TMEM65: variants seen among roughly 807,000 people sequenced by gnomAD.
TMEM65 encodes the protein transmembrane protein 65.
TMEM65 carries 22 observed loss-of-function variants against 25.4 expected under a neutral mutation model. The ratio of observed to expected loss-of-function variants is 0.86; its 90% CI spans 0.62 to 1.23. The LOEUF is 1.23. Ranked by LOEUF, TMEM65 falls within the 50% of genes most tolerant of loss-of-function variation. The probability of loss-of-function intolerance (pLI) is 0.00; values close to 1 mark genes in which losing one functional copy is unlikely to be tolerated. For synonymous variants in TMEM65, 132 were observed against 126.2 expected (o/e 1.05, Z -0.31); for missense variants, 262 against 308.2 (o/e 0.85, Z 1.12).
intron 1 of TMEM65, among the ~76,000 whole-genome samples, chr8:124,352,564 G>A (rs919968300): frequency 6.6e-6 from 1 of 150,574 alleles, no homozygotes; most frequent in African/African-American, 2.4e-5. Flanking sequence ...TTCCAGAAAG[G>A]AGAAATTATT....
chr8:124,354,592 GT>G (rs1355499857), intron 1 of TMEM65, among the ~76,000 whole-genome samples: 1 of 152,178 alleles, frequency 6.6e-6, no homozygotes, highest in African/African-American at 2.4e-5. Flanking sequence ...CTAATAGCTT[GT>G]TTTCACAGAA....
chr8:124,320,063 C>G (rs1449809699), intron 6 of TMEM65, 23 bp downstream of exon 6: 1 of 1,587,470 alleles, frequency 6.3e-7, no homozygotes, highest in South Asian at 1.1e-5. Context: ...AACTCATTAT[C>G]ATAAACCATG....
intron 6 of TMEM65, among the ~76,000 whole-genome samples, chr8:124,315,183 T>C (rs2131192009): frequency 6.6e-6 from 1 of 152,344 alleles, no homozygotes; most frequent in East Asian, 1.9e-4. Flanking sequence ...CAGGAACTTC[T>C]AGTTAGGTAC....
At chr8:124,316,612 C>T (rs1814240917) in intron 6 of TMEM65, among the ~76,000 whole-genome samples, 1 of 152,174 alleles carries the variant, frequency 6.6e-6, no homozygotes, top group Non-Finnish European at 1.5e-5. Context: ...GACACACACA[C>T]ACTCAATATA....
At position 124,320,078 on chromosome 8, in the gene TMEM65, T is replaced by C. The variant is rs1360553050; in HGVS notation, c.621+8A>G. 6 of 1,608,170 alleles carry C rather than the reference T, an allele frequency of 3.7e-6. No homozygotes were observed. The highest frequency in any genetic ancestry group is 1.1e-5 in the South Asian group (1 of 90,888). ...AACTCATTATCATAAACCATGTAAA[T>C]TACTTACCAAATGTGTACTAAGACG... is the stretch of plus-strand genomic sequence containing the variant. On this transcript the variant is annotated splice_region_variant and intron_variant, in intron 6 of 6. Coordinates refer to ENST00000297632, the MANE Select transcript of TMEM65 (RefSeq NM_194291.3).
intron 6 of TMEM65, among the ~76,000 whole-genome samples, chr8:124,317,467 A>G (rs1814253328): frequency 6.6e-6 from 1 of 152,186 alleles, no homozygotes; most frequent in Admixed American, 6.5e-5. Context: ...TAAGACTATG[A>G]GCTCTTAGGT....
rs374732240 is a variant in TMEM65, at chr8:124,371,943, G to A, written c.215C>T (p.Ala72Val). The A allele has an allele frequency of 7.9e-6, 12 of 1,517,610 alleles. No homozygotes were observed. Among genetic ancestry groups the A allele is most frequent in the South Asian group, 6.1e-5 (5 of 81,562 alleles). The allele number at this position is 1,517,610 out of a possible 1,614,324, so 94.0% of individuals were successfully genotyped here. A position where few individuals can be genotyped will look rare whatever the true frequency, so the allele number is the denominator to read the frequency against. The change falls in exon 1 of 7, where the codon GCG becomes GTG. Residue 72 changes from alanine to valine, a missense_variant. Transcript: ENST00000297632. Reference protein sequence around the residue: ...PMEALNTAQGARDFIYSLHST... With the variant: ...PMEALNTAQGVRDFIYSLHST... ...GTGCAGGCTGTAGATGAAGTCGCGC[G>A]CGCCCTGCGCCGTGTTCAGCGCCTC...
intron 1 of TMEM65, among the ~76,000 whole-genome samples, chr8:124,363,240 T>C (rs144630883): frequency 1.6e-4 from 25 of 152,262 alleles, no homozygotes; most frequent in African/African-American, 5.5e-4. Flanking sequence ...ATGGGAAGCA[T>C]TGTCAAATAA....
At chr8:124,364,525 T>G (rs1382408453) in intron 1 of TMEM65, among the ~76,000 whole-genome samples, 1 of 152,204 alleles carries the variant, frequency 6.6e-6, no homozygotes, top group Non-Finnish European at 1.5e-5. Context: ...TGTATTAAAA[T>G]ATAGTATATA....
chr8:124,361,531 T>C (rs554023237), intron 1 of TMEM65, among the ~76,000 whole-genome samples: 1 of 148,060 alleles, frequency 6.8e-6, no homozygotes, highest in Non-Finnish European at 1.5e-5. Context: ...TACAGAGTGT[T>C]TAAAAAAAAG....
At chr8:124,319,017 C>T (rs371242304) in intron 6 of TMEM65, among the ~76,000 whole-genome samples, 11 of 152,114 alleles carry the variant, frequency 7.2e-5, no homozygotes, top group Admixed American at 2.0e-4. Context: ...CTCCTCACTG[C>T]TTGAATGTAA....
At chr8:124,371,758 G>C in intron 1 of TMEM65, 96 bp downstream of exon 1, 1 of 1,221,048 alleles carries the variant, frequency 8.2e-7, no homozygotes, top group Non-Finnish European at 1.1e-6. Flanking sequence ...CGGCGGCGGG[G>C]GTCCAAGATC....
At chr8:124,355,647 T>C (rs1008907265) in intron 1 of TMEM65, among the ~76,000 whole-genome samples, 4 of 152,226 alleles carry the variant, frequency 2.6e-5, no homozygotes, top group African/African-American at 9.6e-5. Context: ...ACATAGGGGC[T>C]TCATCCCACC....
intron 1 of TMEM65, among the ~76,000 whole-genome samples, chr8:124,361,705 A>T (rs966103708): frequency 6.8e-6 from 1 of 146,658 alleles, no homozygotes; most frequent in Non-Finnish European, 1.5e-5. Context: ...GAATGGTGGC[A>T]TGCACCTGTA....
rs1344564005 is a variant in TMEM65, at chr8:124,306,577, T to C, written c.*7383A>G. Reference sequence around the variant, plus strand: ...ACTGAAAAACTAAGAAAAAGGTGTGTCATGAATTCATATAATATATGTAGA... The same window carrying C: ...ACTGAAAAACTAAGAAAAAGGTGTGCCATGAATTCATATAATATATGTAGA... On this transcript the variant is annotated 3_prime_UTR_variant, in exon 7 of 7. Transcript: ENST00000297632. 3 of 151,998 alleles carry C rather than the reference T, an allele frequency of 2.0e-5. No individual in the cohort carries two copies. Among genetic ancestry groups the C allele is most frequent in the African/African-American group, 4.8e-5 (2 of 41,366 alleles). The allele number at this position is 151,998 out of a possible 1,614,324, so 9.4% of individuals were successfully genotyped here.
rs1814198132 is a variant in TMEM65 at position 124,313,864 on chromosome 8, C to T, written c.*96G>A. ...CATGCTAAATTATTTGATCCCATAT[C>T]TATACTGTTACTGTCTTAATTCCTA... On this transcript the variant is annotated 3_prime_UTR_variant, in exon 7 of 7. Transcript: ENST00000297632. The T allele has an allele frequency of 1.2e-6, 1 of 809,580 alleles. No homozygotes were observed. The highest frequency in any genetic ancestry group is 1.7e-5 in the African/African-American group (1 of 57,410). The allele number at this position is 809,580 out of a possible 1,614,324, so 50.1% of individuals were successfully genotyped here. A position where few individuals can be genotyped will look rare whatever the true frequency, so the allele number is the denominator to read the frequency against.
intron 1 of TMEM65, among the ~76,000 whole-genome samples, chr8:124,345,854 C>T (rs1420362127): frequency 6.6e-6 from 1 of 152,146 alleles, no homozygotes; most frequent in African/African-American, 2.4e-5. Context: ...AGTGATTCTT[C>T]TGCCTCAGCC....
intron 3 of TMEM65, among the ~76,000 whole-genome samples, chr8:124,326,980 C>A (rs1200912188): frequency 6.6e-6 from 1 of 152,030 alleles, no homozygotes; most frequent in East Asian, 1.9e-4. Context: ...GAAAATTGAA[C>A]AAGGAACTAA....
At chr8:124,348,570 G>A (rs1011788681) in intron 1 of TMEM65, among the ~76,000 whole-genome samples, 3 of 151,974 alleles carry the variant, frequency 2.0e-5, no homozygotes, top group Admixed American at 6.6e-5. Flanking sequence ...TATAGCTATG[G>A]ATAATACTGT....
Sources: gnomAD v4.1 joint callset for allele counts (sites outside exome capture counted in the v4.1 genomes callset) on GRCh38, gnomAD v4.1.1 for gene constraint, MANE v1.5 for transcripts, NCBI Gene and HGNC (gene_info 2026-07-23, HGNC 2026-07-21) for gene names.